PPM1H: variants seen among roughly 807,000 people sequenced by gnomAD.
PPM1H encodes the protein protein phosphatase, Mg2+/Mn2+ dependent 1H, also known as protein phosphatase 1H.
In PPM1H, 27 loss-of-function variants were observed where a neutral mutation model predicts 54.9. The observed-to-expected ratio is 0.49, with a 90% CI of 0.36 to 0.68. The LOEUF is 0.68. Among genes scored for constraint, PPM1H ranks in the 30% least tolerant of loss-of-function variants. The pLI, the probability that PPM1H is intolerant of heterozygous loss-of-function variation, is 0.00. For missense variants in PPM1H, 596 were observed against 667.8 expected (o/e 0.89, Z 1.19); for synonymous variants, 305 against 270.8 (o/e 1.13, Z -1.24).
chr12:62,814,659 T>A (rs1293523966), intron 2 of PPM1H, among the ~76,000 whole-genome samples: 2 of 152,172 alleles, frequency 1.3e-5, no homozygotes, highest in African/African-American at 4.8e-5. Flanking sequence ...CCCTAACTAT[T>A]CAGGTATTTA....
chr12:62,679,665 C>T (rs1430501904), intron 8 of PPM1H, among the ~76,000 whole-genome samples: 1 of 152,158 alleles, frequency 6.6e-6, no homozygotes, highest in Non-Finnish European at 1.5e-5. Context: ...GCTGAGGTCC[C>T]TTTCCTTTGA....
At chr12:62,663,822 T>C (rs1260310635) in intron 9 of PPM1H, among the ~76,000 whole-genome samples, 1 of 151,944 alleles carries the variant, frequency 6.6e-6, no homozygotes, top group Non-Finnish European at 1.5e-5. Flanking sequence ...AGAAACCCCA[T>C]CTCTACTAAA....
chr12:62,677,745 T>C (rs929662983), intron 8 of PPM1H, among the ~76,000 whole-genome samples: 9 of 152,136 alleles, frequency 5.9e-5, no homozygotes, highest in African/African-American at 1.9e-4. Flanking sequence ...CAAGCAAAAC[T>C]TGGGCAAAGA....
At chr12:62,900,639 G>T (rs372919432) in intron 1 of PPM1H, among the ~76,000 whole-genome samples, 1 of 151,414 alleles carries the variant, frequency 6.6e-6, no homozygotes, top group East Asian at 1.9e-4. Context: ...AAACGAATGC[G>T]GGTGGAGGAG....
At chr12:62,814,386 T>G (rs546125495) in intron 2 of PPM1H, among the ~76,000 whole-genome samples, 1 of 152,090 alleles carries the variant, frequency 6.6e-6, no homozygotes, top group Non-Finnish European at 1.5e-5. Flanking sequence ...ACCTGGCTAA[T>G]TTTTAAATTT....
At chr12:62,788,394 T>C (rs2076685600) in intron 3 of PPM1H, 56 bp from the exon 4 acceptor site, 1 of 1,127,032 alleles carries the variant, frequency 8.9e-7, no homozygotes. Flanking sequence ...GCAAAAGCTT[T>C]CTCACTTTCA....
intron 1 of PPM1H, among the ~76,000 whole-genome samples, chr12:62,879,200 C>T (rs1592650749): frequency 6.6e-6 from 1 of 152,188 alleles, no homozygotes; most frequent in East Asian, 1.9e-4. Context: ...CTTCTCTATC[C>T]TCCTCTGGAG....
rs1010503465 is a variant in PPM1H, at chr12:62,801,689, A to T, written c.756+127T>A. The T allele has an allele frequency of 6.1e-5, 61 of 1,006,916 alleles. 1 individual carries two copies. Among genetic ancestry groups the T allele is most frequent in the Non-Finnish European group, 8.4e-5 (59 of 699,008 alleles). The allele number at this position is 1,006,916 out of a possible 1,614,324, so 62.4% of individuals were successfully genotyped here. A position where few individuals can be genotyped will look rare whatever the true frequency, so the allele number is the denominator to read the frequency against. ...TTGGGAATGGAAGCCCCATTATCAC[A>T]GGGGGCCGTCCAGGTGGAGCCAGGC... On this transcript the variant is annotated intron_variant, in intron 3 of 9. Coordinates refer to ENST00000228705, the MANE Select transcript of PPM1H (RefSeq NM_020700.2).
intron 4 of PPM1H, among the ~76,000 whole-genome samples, chr12:62,774,855 G>A (rs2076600516): frequency 6.6e-6 from 1 of 152,200 alleles, no homozygotes; most frequent in Admixed American, 6.5e-5. Flanking sequence ...AACGGAGGAG[G>A]TAGGTCCTCC....
At chr12:62,791,332 AGAG>A (rs971321032) in intron 3 of PPM1H, among the ~76,000 whole-genome samples, 3 of 152,160 alleles carry the variant, frequency 2.0e-5, no homozygotes, top group African/African-American at 7.2e-5. Flanking sequence ...CAAATAGAAG[AGAG>A]GAGAAGGAAA....
chr12:62,665,608 T>C (rs2075913533), intron 9 of PPM1H, among the ~76,000 whole-genome samples: 1 of 152,010 alleles, frequency 6.6e-6, no homozygotes, highest in South Asian at 2.1e-4. Flanking sequence ...TTCAACTAGC[T>C]CTAATCTGTT....
intron 1 of PPM1H, among the ~76,000 whole-genome samples, chr12:62,928,280 T>C (rs900711182): frequency 3.3e-5 from 5 of 152,230 alleles, no homozygotes; most frequent in East Asian, 3.8e-4. Flanking sequence ...GCAAAGTATC[T>C]ACTGTAGTAC....
At chr12:62,882,428 A>G (rs1288891530) in intron 1 of PPM1H, among the ~76,000 whole-genome samples, 1 of 152,248 alleles carries the variant, frequency 6.6e-6, no homozygotes, top group African/African-American at 2.4e-5. Context: ...AAGCCAGATA[A>G]CATGTAATTG....
At chr12:62,697,163 G>C (rs913579363) in intron 6 of PPM1H, among the ~76,000 whole-genome samples, 3 of 150,454 alleles carry the variant, frequency 2.0e-5, no homozygotes, top group African/African-American at 7.5e-5. Flanking sequence ...GTCTCGCTCT[G>C]TTGACCAGGC....
chr12:62,913,134 A>T (rs1871510953), intron 1 of PPM1H, among the ~76,000 whole-genome samples: 2 of 152,172 alleles, frequency 1.3e-5, no homozygotes. Flanking sequence ...ATATGGATAA[A>T]ATTGTTAATG....
chr12:62,904,308 G>T (rs1871245942), intron 1 of PPM1H, among the ~76,000 whole-genome samples: 1 of 151,692 alleles, frequency 6.6e-6, no homozygotes, highest in African/African-American at 2.4e-5. Flanking sequence ...GCATGATCTT[G>T]GCTCACTGCA....
chr12:62,753,521 C>T (rs749923931), intron 4 of PPM1H, among the ~76,000 whole-genome samples: 22 of 152,192 alleles, frequency 1.4e-4, no homozygotes, highest in Non-Finnish European at 1.9e-4. Context: ...GATTCAGGGA[C>T]GGAAGCATTT....
chr12:62,920,536 G>A (rs1449973380), intron 1 of PPM1H, among the ~76,000 whole-genome samples: 1 of 143,484 alleles, frequency 7.0e-6, no homozygotes, highest in African/African-American at 2.6e-5. Flanking sequence ...TGCTCAGGCT[G>A]GTCTTGAACT....
intron 6 of PPM1H, among the ~76,000 whole-genome samples, chr12:62,700,519 T>C (rs1052713530): frequency 5.3e-5 from 8 of 152,218 alleles, no homozygotes; most frequent in Admixed American, 2.0e-4. Context: ...TTTTGTCTAT[T>C]AACATTATGT....
Sources: gnomAD v4.1 joint callset for allele counts (sites outside exome capture counted in the v4.1 genomes callset) on GRCh38, gnomAD v4.1.1 for gene constraint, MANE v1.5 for transcripts, NCBI Gene and HGNC (gene_info 2026-07-23, HGNC 2026-07-21) for gene names.